Variants in CRYL1 observed in about 807,000 individuals in gnomAD.
The protein encoded by CRYL1 is lambda-crystallin homolog.
In CRYL1, 29 loss-of-function variants were observed where a neutral mutation model predicts 36.6. The observed-to-expected ratio is 0.79, with a 90% CI of 0.59 to 1.08. The LOEUF (loss-of-function observed/expected upper bound fraction) is 1.08, where lower values mean the gene tolerates loss of function less well. CRYL1 is among the 50% of genes least tolerant of loss of function. The pLI is 0.00. For missense variants in CRYL1, 411 were observed against 407.9 expected (o/e 1.01, Z -0.06); for synonymous variants, 152 against 151.5 (o/e 1.00, Z -0.02).
At chr13:20,420,593 T>C (rs1196701134) in intron 5 of CRYL1, among the ~76,000 whole-genome samples, 4 of 151,084 alleles carry the variant, frequency 2.6e-5, no homozygotes, top group African/African-American at 9.7e-5. Flanking sequence ...TTGAGTAGCA[T>C]GTTCATAATA....
In CRYL1 at chr13:20,404,031, G is replaced by A. The variant is rs2031296166; in HGVS notation, c.*98C>T. The A allele has an allele frequency of 7.3e-6, 6 of 816,928 alleles. No homozygotes were observed. Among genetic ancestry groups the A allele is most frequent in the Non-Finnish European group, 8.2e-6 (4 of 487,220 alleles). The allele number at this position is 816,928 out of a possible 1,614,324, so 50.6% of individuals were successfully genotyped here. A position where few individuals can be genotyped will look rare whatever the true frequency, so the allele number is the denominator to read the frequency against. ...ACAAGACAGCCAGCTTAGGATCTCCGTGGGCTGCTACCTATGTCACAGAGG... is the reference window on the plus strand; with the variant it reads ...ACAAGACAGCCAGCTTAGGATCTCCATGGGCTGCTACCTATGTCACAGAGG... On this transcript the variant is annotated 3_prime_UTR_variant, in exon 8 of 8. Transcript: ENST00000298248.
intron 2 of CRYL1, among the ~76,000 whole-genome samples, chr13:20,512,229 G>A (rs1290351889): frequency 1.3e-5 from 2 of 152,246 alleles, no homozygotes; most frequent in Non-Finnish European, 2.9e-5. Flanking sequence ...TTAGCAAGAA[G>A]GGTCATTTCC....
At chr13:20,426,675 A>G (rs2031940813) in intron 5 of CRYL1, 1 of 985,094 alleles carries the variant, frequency 1.0e-6, no homozygotes. Context: ...AAACCTTTGA[A>G]TAAGTTTGCC....
At chr13:20,442,988 C>A (rs1053191955) in intron 3 of CRYL1, among the ~76,000 whole-genome samples, 1 of 152,218 alleles carries the variant, frequency 6.6e-6, no homozygotes, top group Non-Finnish European at 1.5e-5. Flanking sequence ...GCAGTATCAG[C>A]AGCTGACAGG....
chr13:20,523,206 C>G (rs866089641), intron 1 of CRYL1, among the ~76,000 whole-genome samples: 2 of 151,996 alleles, frequency 1.3e-5, no homozygotes, highest in African/African-American at 2.4e-5. Flanking sequence ...CATGAGCCAC[C>G]ATGCCTGGAC....
At chr13:20,443,938 C>A (rs1472736423) in intron 3 of CRYL1, among the ~76,000 whole-genome samples, 2 of 152,160 alleles carry the variant, frequency 1.3e-5, no homozygotes, top group African/African-American at 4.8e-5. Context: ...CACTCTCAGG[C>A]TGAAGATGGA....
chr13:20,485,471 G>A (rs1029205686), intron 3 of CRYL1, among the ~76,000 whole-genome samples: 1 of 151,918 alleles, frequency 6.6e-6, no homozygotes, highest in Non-Finnish European at 1.5e-5. Context: ...GAGAGCAGCC[G>A]GGCCAACATG....
chr13:20,508,030 C>T (rs1308591910), intron 2 of CRYL1, among the ~76,000 whole-genome samples: 1 of 151,812 alleles, frequency 6.6e-6, no homozygotes, highest in African/African-American at 2.4e-5. Flanking sequence ...CACTTCCAGA[C>T]AAGCCTGGCC....
Position 20,420,701 on chromosome 13 carries a change from TTGTGTGTGTGTG to T in CRYL1, c.634-7326_634-7315del, listed in dbSNP as rs1555226402. Reference sequence around the variant, plus strand: ...CTTTGACTTTTCTTTAAAATAGAGGTTGTGTGTGTGTGTGTGTGTGTGTGTGTGTGTGTGTGT... The same window carrying T: ...CTTTGACTTTTCTTTAAAATAGAGGTTGTGTGTGTGTGTGTGTGTGTGTGT... On this transcript the variant is annotated intron_variant, in intron 5 of 7. Transcript: ENST00000298248. Among the ~76,000 whole-genome samples, 75 of 21,872 alleles carry T rather than the reference TTGTGTGTGTGTG, an allele frequency of 3.4e-3. 4 individuals are homozygous for T. The highest frequency in any genetic ancestry group is 7.1e-3 in the African/African-American group (68 of 9,518). The allele number at this position is 21,872 out of a possible 152,430, so 14.3% of individuals were successfully genotyped here.
At chr13:20,523,488 G>A (rs2034132875) in intron 1 of CRYL1, among the ~76,000 whole-genome samples, 1 of 152,154 alleles carries the variant, frequency 6.6e-6, no homozygotes, top group Admixed American at 6.5e-5. Flanking sequence ...TCCTGAAATT[G>A]AAATATGTAT....
At chr13:20,457,987 A>T (rs928631293) in intron 3 of CRYL1, among the ~76,000 whole-genome samples, 3 of 152,194 alleles carry the variant, frequency 2.0e-5, no homozygotes, top group Admixed American at 2.0e-4. Context: ...AGGGAAAGTG[A>T]TTCAACCAGT....
At chr13:20,418,645 A>G (rs1404327995) in intron 5 of CRYL1, 1 of 151,898 alleles carries the variant, frequency 6.6e-6, no homozygotes, top group East Asian at 1.9e-4. Flanking sequence ...ATTCTTCCTC[A>G]TCCACTTCTT....
chr13:20,477,547 A>C (rs2033189518), intron 3 of CRYL1, among the ~76,000 whole-genome samples: 2 of 150,688 alleles, frequency 1.3e-5, no homozygotes, highest in Admixed American at 1.3e-4. Context: ...CATTTTGCAT[A>C]AAATGGGCGG....
At position 20,404,246 on chromosome 13, in the gene CRYL1, C is replaced by A; in HGVS notation, c.847-4G>T. ...CAGGGACCTTCATGCACATGTCCTG[C>A]AAGAAGGAGAAGGAAAAAAAAGGAC... is the stretch of plus-strand genomic sequence containing the variant. On this transcript the variant is annotated splice_polypyrimidine_tract_variant and splice_region_variant and intron_variant, in intron 7 of 7. Coordinates refer to ENST00000298248, the MANE Select transcript of CRYL1 (RefSeq NM_015974.3). 6.3e-7 allele frequency: 1 copy of A among 1,586,306 alleles called. No homozygotes were observed.
chr13:20,414,849 C>T (rs149260322), intron 5 of CRYL1, among the ~76,000 whole-genome samples: 1 of 152,362 alleles, frequency 6.6e-6, no homozygotes, highest in Non-Finnish European at 1.5e-5. Flanking sequence ...CCCCCTTGGG[C>T]ATTTCCACTG....
At chr13:20,434,091 A>C (rs2032143378) in intron 4 of CRYL1, among the ~76,000 whole-genome samples, 1 of 152,170 alleles carries the variant, frequency 6.6e-6, no homozygotes, top group East Asian at 1.9e-4. Flanking sequence ...CATGGTCCCC[A>C]ACCCTGGCAG....
intron 3 of CRYL1, among the ~76,000 whole-genome samples, chr13:20,456,762 C>A (rs1042775619): frequency 2.6e-5 from 4 of 152,144 alleles, no homozygotes; most frequent in African/African-American, 4.8e-5. Flanking sequence ...GCCCACCCCC[C>A]ACTCTTCATG....
intron 2 of CRYL1, among the ~76,000 whole-genome samples, chr13:20,494,457 C>A (rs544573479): frequency 6.6e-6 from 1 of 152,318 alleles, no homozygotes; most frequent in Non-Finnish European, 1.5e-5. Context: ...TTAGCGCCAT[C>A]ATCCCAGCCT....
At chr13:20,449,467 A>T (rs1021573785) in intron 3 of CRYL1, among the ~76,000 whole-genome samples, 4 of 152,232 alleles carry the variant, frequency 2.6e-5, no homozygotes, top group Admixed American at 1.3e-4. Context: ...ACACAAAAGC[A>T]GAAAAAAGAA....
Sources: gnomAD v4.1 joint callset for allele counts (sites outside exome capture counted in the v4.1 genomes callset) on GRCh38, gnomAD v4.1.1 for gene constraint, MANE v1.5 for transcripts, NCBI Gene and HGNC (gene_info 2026-07-23, HGNC 2026-07-21) for gene names.